Variants in ANGEL1 observed in about 807,000 individuals in gnomAD.
The protein encoded by ANGEL1 is RNA 2',3'-cyclic phosphatase ANGEL1.
In ANGEL1, 62 loss-of-function variants were observed where a neutral mutation model predicts 76.4. The observed-to-expected ratio is 0.81, with a 90% CI of 0.66 to 1.00. The LOEUF is 1.00. Ranked by LOEUF, ANGEL1 falls within the 50% of genes least tolerant of loss-of-function variation. The probability of loss-of-function intolerance (pLI) is 0.00; values close to 1 mark genes in which losing one functional copy is unlikely to be tolerated. For synonymous variants in ANGEL1, 340 were observed against 331.7 expected (o/e 1.03, Z -0.27); for missense variants, 737 against 836.7 (o/e 0.88, Z 1.47).
At position 76,812,751 on chromosome 14, in the gene ANGEL1, G is replaced by T. The variant is rs1219049061; in HGVS notation, c.64+13C>A. On this transcript the variant is annotated intron_variant, in intron 1 of 9. Transcript: ENST00000251089. ...TGGCCGGGCTCCTGTCTGTCGGTAC[G>T]CCTGGCCGGTACCTGAGAGGGCGCG... 2.0e-6 allele frequency: 3 copies of T among 1,514,054 alleles called. No individual in the cohort carries two copies. The highest frequency in any genetic ancestry group is 2.9e-5 in the African/African-American group (2 of 69,846). 93.8% of individuals were successfully genotyped at this position (1,514,054 alleles called of 1,614,324 possible).
At chr14:76,804,915 C>T (rs931712030) in intron 5 of ANGEL1, among the ~76,000 whole-genome samples, 1 of 152,046 alleles carries the variant, frequency 6.6e-6, no homozygotes, top group Non-Finnish European at 1.5e-5. Flanking sequence ...GAGGCTGAGG[C>T]AGGAGAATCA....
At chr14:76,804,486 T>C (rs2140225394) in intron 5 of ANGEL1, 1 of 981,960 alleles carries the variant, frequency 1.0e-6, no homozygotes, top group East Asian at 1.1e-4. Flanking sequence ...CCAACGTGTG[T>C]AGCAAAAGTC....
rs140929777 is a variant in ANGEL1, at chr14:76,801,899, G to A, written c.1618+1472C>T. Among the ~76,000 whole-genome samples, 147 of 152,170 alleles carry A rather than the reference G, an allele frequency of 9.7e-4. 1 individual carries two copies. In the East Asian group the frequency reaches 0.024, roughly 25 times the overall value. Reference sequence around the variant, plus strand: ...TGGCCCAGCGCGGTGGCTCACGCCTGTAATCCTAGCACTTTGGGAGGCCAA... The same window carrying A: ...TGGCCCAGCGCGGTGGCTCACGCCTATAATCCTAGCACTTTGGGAGGCCAA... On this transcript the variant is annotated intron_variant, in intron 7 of 9. Coordinates refer to ENST00000251089, the MANE Select transcript of ANGEL1 (RefSeq NM_015305.4).
At chr14:76,798,252 G>A (rs148045099) in intron 7 of ANGEL1, among the ~76,000 whole-genome samples, 1,602 of 152,008 alleles carry the variant, frequency 0.011, 45 homozygotes, top group African/African-American at 0.036. Flanking sequence ...AGCCTCCTGA[G>A]TAGCTAAGGC....
intron 4 of ANGEL1, 108 bp downstream of exon 4, chr14:76,807,325 G>A (rs939553741): frequency 5.4e-6 from 6 of 1,114,466 alleles, no homozygotes; most frequent in Non-Finnish European, 7.9e-6. Flanking sequence ...TAGCTCACAG[G>A]TGAAACTGAG....
intron 8 of ANGEL1, 55 bp from the exon 9 acceptor site, chr14:76,790,829 G>C: frequency 2.7e-6 from 4 of 1,490,214 alleles, no homozygotes; most frequent in Non-Finnish European, 3.6e-6. Context: ...ATTTTCCCTA[G>C]ATCACTTTTT....
At chr14:76,809,754 C>A (rs1485014988) in intron 1 of ANGEL1, 111 bp from the exon 2 acceptor site, 27 of 872,136 alleles carry the variant, frequency 3.1e-5, no homozygotes, top group Non-Finnish European at 3.7e-5. Flanking sequence ...CCTTGCTCAT[C>A]ATTGTACCAT....
intron 7 of ANGEL1, among the ~76,000 whole-genome samples, chr14:76,797,010 T>A (rs551088069): frequency 6.6e-6 from 1 of 152,348 alleles, no homozygotes; most frequent in African/African-American, 2.4e-5. Flanking sequence ...CATGCAGCAC[T>A]GTGAACAAAC....
intron 5 of ANGEL1, chr14:76,804,537 A>G (rs980483032): frequency 1.3e-6 from 1 of 793,764 alleles, no homozygotes; most frequent in African/African-American, 1.9e-5. Context: ...TGAAAGCCAA[A>G]AGACACTAGC....
chr14:76,812,631 TC>T, intron 1 of ANGEL1, 132 bp downstream of exon 1: 2 of 1,324,154 alleles, frequency 1.5e-6, no homozygotes, highest in South Asian at 1.9e-5. Context: ...CAGGACCGCC[TC>T]CCTACACCTC....
chr14:76,809,609 C>T lies in ANGEL1; in HGVS notation c.99G>A (p.Leu33=), dbSNP rs1387593928. The T allele has an allele frequency of 1.9e-6, 3 of 1,613,392 alleles. No individual in the cohort carries two copies. The highest frequency in any genetic ancestry group is 1.7e-6 in the Non-Finnish European group (2 of 1,179,664). The part of the protein sequence containing the change: ...AFFTCRKNVL[L]ANSSSPQVEG... ...CTACCTGGGGGGATGAGCTGTTCGC[C>T]AGAAGGACATTTTTTCGACATGTGA... The change falls in exon 2 of 10, where the codon CTG becomes CTA. Residue 33 remains leucine (L), a synonymous_variant. Coordinates refer to ENST00000251089, the MANE Select transcript of ANGEL1 (RefSeq NM_015305.4).
rs1243778542 is a variant in ANGEL1, at chr14:76,791,288, G to C, written c.1688+9C>G. 1.9e-6 allele frequency: 3 copies of C among 1,614,046 alleles called. No homozygotes were observed. The highest frequency in any genetic ancestry group is 2.5e-6 in the Non-Finnish European group (3 of 1,179,928). ...GGATTGAAAACAGAAGAGAACTGGA[G>C]AAGGTTACCTGGAGAAGGCAGGCTC... On this transcript the variant is annotated intron_variant, in intron 8 of 9. Coordinates refer to ENST00000251089, the MANE Select transcript of ANGEL1 (RefSeq NM_015305.4).
In ANGEL1 at chr14:76,801,285, A is replaced by G. The variant is rs1033737041; in HGVS notation, c.1618+2086T>C. 3.6e-4 allele frequency among the ~76,000 whole-genome samples: 54 copies of G among 151,186 alleles called. 1 individual carries two copies. Among genetic ancestry groups the G allele is most frequent in the Non-Finnish European group, 5.9e-5 (4 of 67,774 alleles). On this transcript the variant is annotated intron_variant, in intron 7 of 9. Coordinates refer to ENST00000251089, the MANE Select transcript of ANGEL1 (RefSeq NM_015305.4). ...ATCACCATGCCTGGCTAATTTTTTGATTTTTTTGTAGAGACGGTGTCTCAC... is the reference window on the plus strand; with the variant it reads ...ATCACCATGCCTGGCTAATTTTTTGGTTTTTTTGTAGAGACGGTGTCTCAC...
chr14:76,786,167 C>CTTT lies in ANGEL1; in HGVS notation c.*3058_*3060dup. The CTTT allele has an allele frequency of 8.8e-6, 1 of 113,982 alleles. No individual in the cohort carries two copies. The highest frequency in any genetic ancestry group is 1.8e-5 in the Non-Finnish European group (1 of 55,078). The allele number at this position is 113,982 out of a possible 1,614,324, so 7.1% of individuals were successfully genotyped here. ...AGTTTTCTTTCTTTTCTTTTCTTTT[C>CTTT]TTTTTTTTTTTTTGAGATGGAGTTT... On this transcript the variant is annotated 3_prime_UTR_variant, in exon 10 of 10. Coordinates refer to ENST00000251089, the MANE Select transcript of ANGEL1 (RefSeq NM_015305.4).
At chr14:76,792,517 C>T (rs901214731) in intron 7 of ANGEL1, among the ~76,000 whole-genome samples, 3 of 151,966 alleles carry the variant, frequency 2.0e-5, no homozygotes, top group African/African-American at 7.3e-5. Flanking sequence ...CCAAATCCAG[C>T]AAAATATAAA....
chr14:76,810,182 G>C (rs185584983), intron 1 of ANGEL1: 22 of 454,782 alleles, frequency 4.8e-5, no homozygotes, highest in African/African-American at 4.4e-4. Flanking sequence ...TTGGGAGGCA[G>C]AGACAGAGGC....
In ANGEL1 at chr14:76,789,260, C is replaced by T; in HGVS notation, c.1981G>A (p.Ala661Thr). 1 of 1,614,200 alleles carries T rather than the reference C, an allele frequency of 6.2e-7. No individual in the cohort carries two copies. Among genetic ancestry groups the T allele is most frequent in the Non-Finnish European group, 8.5e-7 (1 of 1,180,030 alleles). The change falls in exon 10 of 10, where the codon GCC (alanine) becomes ACC (threonine). Residue 661 changes from alanine (A) to threonine (T), a missense_variant. Coordinates refer to ENST00000251089, the MANE Select transcript of ANGEL1 (RefSeq NM_015305.4). ...FCSSDHLCLL[A>T]SFGMEVTAP ...GCGGTGACTTCCATCCCGAAGCTGG[C>T]TAGCAGGCAGAGGTGGTCTGAAGAG...
chr14:76,808,710 G>A (rs1894995613), intron 2 of ANGEL1, among the ~76,000 whole-genome samples: 1 of 152,148 alleles, frequency 6.6e-6, no homozygotes, highest in Non-Finnish European at 1.5e-5. Context: ...GAGACTAGAG[G>A]CCCTGAGACC....
chr14:76,796,404 C>T (rs1041883098), intron 7 of ANGEL1, among the ~76,000 whole-genome samples: 1 of 151,726 alleles, frequency 6.6e-6, no homozygotes, highest in African/African-American at 2.4e-5. Context: ...CATGCCACTA[C>T]GCCAGGCTAA....
Sources: gnomAD v4.1 joint callset for allele counts (sites outside exome capture counted in the v4.1 genomes callset) on GRCh38, gnomAD v4.1.1 for gene constraint, MANE v1.5 for transcripts, NCBI Gene and HGNC (gene_info 2026-07-23, HGNC 2026-07-21) for gene names.